SPOCK3: variants seen among roughly 807,000 people sequenced by gnomAD.
SPOCK3 encodes the protein testican-3.
A neutral mutation model predicts 56.6 loss-of-function variants in SPOCK3; 30 were observed. The observed-to-expected ratio is 0.53, with a 90% CI of 0.40 to 0.72. The LOEUF (loss-of-function observed/expected upper bound fraction) is 0.72. Ranked by LOEUF, SPOCK3 falls within the 30% of genes least tolerant of loss-of-function variation. The probability of loss-of-function intolerance (pLI) is 0.00; values close to 1 mark genes in which losing one functional copy is unlikely to be tolerated. For missense variants in SPOCK3, 527 were observed against 530.0 expected, an observed-to-expected ratio of 0.99 and a Z score of 0.06; for synonymous variants, 196 against 183.3, an observed-to-expected ratio of 1.07 and a Z score of -0.56.
At position 166,990,780 on chromosome 4, in the gene SPOCK3, G is replaced by C. The variant is rs1747699656; in HGVS notation, c.350+9569C>G. On this transcript the variant is annotated intron_variant, in intron 4 of 10. Coordinates refer to ENST00000357545, the MANE Select transcript of SPOCK3 (RefSeq NM_001040159.2). ...GAATTTATTAATGAATTCATAGCAA[G>C]CATCATCCCAATTGATCACTGGAAA... Among the ~76,000 whole-genome samples the C allele has an allele frequency of 2.0e-5, 3 of 151,918 alleles. No homozygotes were observed. In the South Asian group the frequency reaches 6.2e-4, roughly 32 times the overall value.
At chr4:166,847,238 G>C (rs938389986) in intron 6 of SPOCK3, among the ~76,000 whole-genome samples, 1 of 151,970 alleles carries the variant, frequency 6.6e-6, no homozygotes, top group Non-Finnish European at 1.5e-5. Flanking sequence ...CAGTTGGCAG[G>C]CCATTTGGGA....
At chr4:166,792,324 T>G (rs770037752) in intron 6 of SPOCK3, 35 bp from the exon 7 acceptor site, 1 of 1,610,686 alleles carries the variant, frequency 6.2e-7, no homozygotes, top group South Asian at 1.1e-5. Flanking sequence ...TCTTGAATAA[T>G]ATCTTAGTAT....
chr4:167,194,104 T>A (rs138769549), intron 2 of SPOCK3, among the ~76,000 whole-genome samples: 241 of 148,244 alleles, frequency 1.6e-3, no homozygotes, highest in African/African-American at 5.6e-3. Flanking sequence ...CATTTTCTGT[T>A]CAGTTGGTTC....
At chr4:166,873,774 G>C (rs1476877940) in intron 6 of SPOCK3, among the ~76,000 whole-genome samples, 2 of 151,988 alleles carry the variant, frequency 1.3e-5, no homozygotes, top group Non-Finnish European at 1.5e-5. Flanking sequence ...CTCTACACTA[G>C]GCACTGTAGA....
chr4:166,879,815 T>C (rs996659097), intron 6 of SPOCK3, among the ~76,000 whole-genome samples: 2 of 152,136 alleles, frequency 1.3e-5, no homozygotes, highest in Non-Finnish European at 2.9e-5. Flanking sequence ...CGGGAGGTGA[T>C]TGGATCATGG....
At chr4:166,754,310 A>G (rs1447582546) in intron 8 of SPOCK3, 198 bp downstream of exon 8, 1 of 1,300,984 alleles carries the variant, frequency 7.7e-7, no homozygotes. Context: ...ACTATTTTTC[A>G]TCTTATTTAG....
At chr4:166,892,666 A>G (rs555605270) in intron 5 of SPOCK3, among the ~76,000 whole-genome samples, 16 of 152,174 alleles carry the variant, frequency 1.1e-4, no homozygotes, top group African/African-American at 3.8e-4. Flanking sequence ...GTCTATAATT[A>G]CCAAAAAATG....
intron 3 of SPOCK3, among the ~76,000 whole-genome samples, chr4:167,022,448 T>C (rs1337850254): frequency 6.6e-6 from 1 of 151,928 alleles, no homozygotes; most frequent in Non-Finnish European, 1.5e-5. Context: ...ATAAAATGTG[T>C]ATATATAAGA....
At chr4:166,783,215 C>T (rs1740364859) in intron 7 of SPOCK3, among the ~76,000 whole-genome samples, 1 of 152,036 alleles carries the variant, frequency 6.6e-6, no homozygotes, top group Admixed American at 6.6e-5. Flanking sequence ...AAAATTTAGC[C>T]AGGCATGGTG....
At chr4:166,842,585 G>A (rs887089930) in intron 6 of SPOCK3, among the ~76,000 whole-genome samples, 10 of 152,090 alleles carry the variant, frequency 6.6e-5, no homozygotes, top group Non-Finnish European at 1.2e-4. Flanking sequence ...GCTGATTGGT[G>A]TATTTACAAT....
chr4:167,214,722 T>C (rs1442587253), intron 2 of SPOCK3, among the ~76,000 whole-genome samples: 1 of 152,156 alleles, frequency 6.6e-6, no homozygotes, highest in Admixed American at 6.6e-5. Flanking sequence ...TGAGTCTTAA[T>C]AGCATTTCAC....
At chr4:166,927,485 A>AT (rs1432336172) in intron 4 of SPOCK3, among the ~76,000 whole-genome samples, 1 of 152,060 alleles carries the variant, frequency 6.6e-6, no homozygotes, top group African/African-American at 2.4e-5. Context: ...CATTAAACCT[A>AT]TTTTTTCCCC....
At chr4:166,930,706 G>A (rs1429109910) in intron 4 of SPOCK3, among the ~76,000 whole-genome samples, 2 of 152,146 alleles carry the variant, frequency 1.3e-5, no homozygotes, top group Admixed American at 1.3e-4. Flanking sequence ...GTGATCATAA[G>A]GCAAAGCATA....
intron 4 of SPOCK3, among the ~76,000 whole-genome samples, chr4:166,922,067 A>G (rs554395155): frequency 6.6e-6 from 1 of 152,216 alleles, no homozygotes; most frequent in South Asian, 2.1e-4. Context: ...CATTAGTGCA[A>G]ACCCTATTGT....
chr4:167,087,437 C>T (rs114561551), intron 2 of SPOCK3, among the ~76,000 whole-genome samples: 1,861 of 152,252 alleles, frequency 0.012, 21 homozygotes, highest in Non-Finnish European at 0.018. Flanking sequence ...AATATATTGA[C>T]GTTACAGTAA....
At chr4:166,804,563 C>T (rs1277524354) in intron 6 of SPOCK3, among the ~76,000 whole-genome samples, 1 of 152,106 alleles carries the variant, frequency 6.6e-6, no homozygotes, top group Non-Finnish European at 1.5e-5. Context: ...GCATTGTGAA[C>T]ATTAAGAAGC....
At chr4:167,194,093 T>A (rs538976852) in intron 2 of SPOCK3, among the ~76,000 whole-genome samples, 23 of 152,310 alleles carry the variant, frequency 1.5e-4, no homozygotes, top group African/African-American at 4.8e-4. Context: ...TCACTCTTTT[T>A]CATTTTCTGT....
rs78917620 is a variant in SPOCK3 at position 167,000,886 on chromosome 4, C to T, written c.236-423G>A. On this transcript the variant is annotated intron_variant, in intron 3 of 10. Transcript: ENST00000357545. ...GGGTCAATAAAAGGGACAAAATGAA[C>T]AAACAAAAATGTCAGTGGACATTAA... Among the ~76,000 whole-genome samples, 668 of 152,156 alleles carry T rather than the reference C, an allele frequency of 4.4e-3. 9 individuals are homozygous for T. Among genetic ancestry groups the T allele is most frequent in the African/African-American group, 0.015 (637 of 41,540 alleles).
At chr4:167,052,434 A>G (rs1317653119) in intron 3 of SPOCK3, among the ~76,000 whole-genome samples, 2 of 152,362 alleles carry the variant, frequency 1.3e-5, no homozygotes, top group East Asian at 3.9e-4. Context: ...TAAGATTATT[A>G]GAAGTTGAAT....
Sources: allele counts gnomAD v4.1 joint callset (sites outside exome capture counted in the v4.1 genomes callset), GRCh38; gene constraint gnomAD v4.1.1; transcripts MANE v1.5; gene names NCBI Gene and HGNC (gene_info 2026-07-23, HGNC 2026-07-21).